LPP: variants seen among roughly 807,000 people sequenced by gnomAD.
LPP encodes the protein lipoma-preferred partner.
Under a neutral mutation model 60.4 loss-of-function variants are expected in LPP, and 38 were observed. The ratio of observed to expected loss-of-function variants is 0.63; its 90% CI spans 0.49 to 0.83. LPP has a LOEUF of 0.83. Ranked by LOEUF, LPP falls within the 40% of genes least tolerant of loss-of-function variation. The pLI, the probability that LPP is intolerant of heterozygous loss-of-function variation, is 0.00. For synonymous variants in LPP, 328 were observed against 290.8 expected (o/e 1.13, Z -1.30); for missense variants, 902 against 783.6 (o/e 1.15, Z -1.80).
At chr3:188,423,016 G>A (rs1788268106) in intron 4 of LPP, among the ~76,000 whole-genome samples, 1 of 147,614 alleles carries the variant, frequency 6.8e-6, no homozygotes, top group African/African-American at 2.5e-5. Context: ...TTGTTACATA[G>A]GTATACACAT....
At chr3:188,474,217 G>A (rs1802562029) in intron 4 of LPP, among the ~76,000 whole-genome samples, 1 of 152,158 alleles carries the variant, frequency 6.6e-6, no homozygotes, top group African/African-American at 2.4e-5. Context: ...TCTCATATGT[G>A]TTCTATATGC....
In LPP at chr3:188,886,563, G is replaced by T. The variant is rs1770687882; in HGVS notation, c.*12084G>T. ...CAATGAGGTGGTAAATGTGAAAAAAGCAGCCTTTTAGAAAAACATTATTTT... is the reference window on the plus strand; with the variant it reads ...CAATGAGGTGGTAAATGTGAAAAAATCAGCCTTTTAGAAAAACATTATTTT... On this transcript the variant is annotated 3_prime_UTR_variant, in exon 12 of 12. Coordinates refer to ENST00000617246, the MANE Select transcript of LPP (RefSeq NM_001375462.1). The T allele has an allele frequency of 4.9e-6, 1 of 202,332 alleles. No homozygotes were observed. The highest frequency in any genetic ancestry group is 1.0e-5 in the Non-Finnish European group (1 of 100,400). 12.5% of individuals were successfully genotyped at this position (202,332 alleles called of 1,614,324 possible).
At chr3:188,379,643 A>G (rs889472984) in intron 3 of LPP, among the ~76,000 whole-genome samples, 2 of 152,242 alleles carry the variant, frequency 1.3e-5, no homozygotes, top group Non-Finnish European at 2.9e-5. Context: ...CCCATTCTGG[A>G]CATTTTATAT....
intron 3 of LPP, among the ~76,000 whole-genome samples, chr3:188,372,585 G>A (rs974703195): frequency 1.9e-4 from 29 of 151,486 alleles, no homozygotes; most frequent in African/African-American, 6.8e-4. Context: ...TCTGATTAGT[G>A]TTCCCCTGGG....
intron 3 of LPP, among the ~76,000 whole-genome samples, chr3:188,384,156 G>C (rs939245617): frequency 2.0e-5 from 3 of 152,152 alleles, no homozygotes; most frequent in Non-Finnish European, 4.4e-5. Context: ...CGAAGTTTAT[G>C]TATTGTTTTA....
At chr3:188,659,997 G>A (rs528497787) in intron 7 of LPP, among the ~76,000 whole-genome samples, 11 of 151,926 alleles carry the variant, frequency 7.2e-5, no homozygotes, top group Non-Finnish European at 1.2e-4. Flanking sequence ...ACATTGGTTA[G>A]GTCCTTTAAA....
At chr3:188,846,296 C>T (rs1761371498) in intron 9 of LPP, among the ~76,000 whole-genome samples, 1 of 152,116 alleles carries the variant, frequency 6.6e-6, no homozygotes, top group African/African-American at 2.4e-5. Context: ...CTTTGGAGAA[C>T]AGGGCACACA....
chr3:188,653,876 G>C (rs1236821165), intron 7 of LPP, among the ~76,000 whole-genome samples: 1 of 152,174 alleles, frequency 6.6e-6, no homozygotes, highest in Non-Finnish European at 1.5e-5. Context: ...TCTTTAATTG[G>C]TTGTGCCATC....
chr3:188,625,164 C>T (rs1297638341), intron 7 of LPP, among the ~76,000 whole-genome samples: 1 of 152,032 alleles, frequency 6.6e-6, no homozygotes, highest in Non-Finnish European at 1.5e-5. Flanking sequence ...ATAATAGCTA[C>T]CCCAAAATAT....
intron 9 of LPP, among the ~76,000 whole-genome samples, chr3:188,824,371 T>G (rs1754809770): frequency 6.6e-6 from 1 of 152,194 alleles, no homozygotes; most frequent in African/African-American, 2.4e-5. Flanking sequence ...TAATTAGAAT[T>G]AAATTAAGTT....
At chr3:188,174,333 T>C (rs1322109206) in intron 1 of LPP, among the ~76,000 whole-genome samples, 1 of 152,262 alleles carries the variant, frequency 6.6e-6, no homozygotes, top group Non-Finnish European at 1.5e-5. Flanking sequence ...ATCCCAAAAC[T>C]TCTTACAGGA....
intron 3 of LPP, among the ~76,000 whole-genome samples, chr3:188,354,704 T>G (rs1227344122): frequency 6.6e-6 from 1 of 152,198 alleles, no homozygotes; most frequent in Non-Finnish European, 1.5e-5. Flanking sequence ...CTTGTAAACT[T>G]TCTAAATTTC....
intron 8 of LPP, among the ~76,000 whole-genome samples, chr3:188,753,791 A>C (rs369822387): frequency 6.6e-6 from 1 of 151,796 alleles, no homozygotes. Flanking sequence ...GTGAGTGTGT[A>C]TATGTATTTG....
At chr3:188,845,497 C>G (rs1283353204) in intron 9 of LPP, among the ~76,000 whole-genome samples, 1 of 152,186 alleles carries the variant, frequency 6.6e-6, no homozygotes, top group Non-Finnish European at 1.5e-5. Flanking sequence ...CATTATTTAT[C>G]TAGAATTTTA....
chr3:188,376,314 C>G (rs955877859), intron 3 of LPP, among the ~76,000 whole-genome samples: 1 of 151,712 alleles, frequency 6.6e-6, no homozygotes, highest in South Asian at 2.1e-4. Flanking sequence ...GTGTTAAAGT[C>G]TCCCATTATT....
At chr3:188,428,596 ATT>A (rs3057781) in intron 4 of LPP, among the ~76,000 whole-genome samples, 11 of 142,676 alleles carry the variant, frequency 7.7e-5, no homozygotes, top group Non-Finnish European at 1.2e-4. Flanking sequence ...ATATATATAT[ATT>A]TTTTTTTTTT....
At chr3:188,236,991 A>C (rs2149408827) in intron 2 of LPP, among the ~76,000 whole-genome samples, 1 of 152,352 alleles carries the variant, frequency 6.6e-6, no homozygotes, top group South Asian at 2.1e-4. Context: ...TTTACCTTCA[A>C]GAAAACTTCT....
intron 3 of LPP, among the ~76,000 whole-genome samples, chr3:188,377,032 TC>T (rs1407786522): frequency 2.0e-5 from 3 of 152,184 alleles, no homozygotes; most frequent in Non-Finnish European, 4.4e-5. Context: ...TGAATATTGG[TC>T]CCCGCTCTCT....
chr3:188,255,307 GGCTCAGAGACTTT>G (rs1436020768), intron 2 of LPP, among the ~76,000 whole-genome samples: 19 of 152,260 alleles, frequency 1.2e-4, no homozygotes, highest in African/African-American at 4.6e-4. Context: ...AGGAAACGGA[GGCTCAGAGACTTT>G]GCATTAGTCT....
Sources: gnomAD v4.1 joint callset for allele counts (sites outside exome capture counted in the v4.1 genomes callset) on GRCh38, gnomAD v4.1.1 for gene constraint, MANE v1.5 for transcripts, NCBI Gene and HGNC (gene_info 2026-07-23, HGNC 2026-07-21) for gene names.